TTC34: variants seen among roughly 807,000 people sequenced by gnomAD.
TTC34 encodes tetratricopeptide repeat protein 34.
In TTC34, 44 loss-of-function variants were observed where a neutral mutation model predicts 40.7. That is an observed-to-expected ratio of 1.08 (90% CI 0.85 to 1.39). TTC34 has a LOEUF of 1.39. TTC34 is among the 40% of genes most tolerant of loss of function. The probability of loss-of-function intolerance (pLI) is 0.00; values close to 1 mark genes in which losing one functional copy is unlikely to be tolerated. For missense variants in TTC34, 884 were observed against 838.0 expected (o/e 1.05, Z -0.68); for synonymous variants, 422 against 398.6 (o/e 1.06, Z -0.70).
intron 6 of TTC34, among the ~76,000 whole-genome samples, chr1:2,656,278 C>T (rs1472596015): frequency 1.3e-5 from 2 of 150,336 alleles, no homozygotes; most frequent in African/African-American, 5.0e-5. Flanking sequence ...ATCTGAAAGC[C>T]TGGAAGAGCA....
intron 6 of TTC34, among the ~76,000 whole-genome samples, chr1:2,764,362 G>T (rs1467297113): frequency 7.0e-6 from 1 of 142,552 alleles, no homozygotes; most frequent in African/African-American, 2.6e-5. Context: ...GCAGGTGACA[G>T]CCTGGAGCAG....
intron 2 of TTC34, among the ~76,000 whole-genome samples, chr1:2,797,132 C>T (rs991166348): frequency 2.6e-5 from 4 of 152,222 alleles, no homozygotes. Flanking sequence ...CAGGTCCTAG[C>T]TGCCTGCACT....
intron 6 of TTC34, among the ~76,000 whole-genome samples, chr1:2,681,865 G>C (rs1412294277): frequency 3.4e-3 from 105 of 30,928 alleles, no homozygotes; most frequent in Non-Finnish European, 5.4e-3. Context: ...GAACCCACAC[G>C]CCCAGGTGAG....
At chr1:2,769,637 G>A (rs1308519821) in intron 6 of TTC34, among the ~76,000 whole-genome samples, 1 of 138,622 alleles carries the variant, frequency 7.2e-6, no homozygotes, top group African/African-American at 2.8e-5. Context: ...ACACCCCCAG[G>A]TGAGCATCTG....
intron 6 of TTC34, among the ~76,000 whole-genome samples, chr1:2,686,360 C>T (rs375160750): frequency 1.5e-4 from 18 of 116,768 alleles, no homozygotes; most frequent in African/African-American, 5.1e-4. Flanking sequence ...AGCACCCACA[C>T]CCCCAGGTGC....
intron 6 of TTC34, among the ~76,000 whole-genome samples, chr1:2,682,731 CTGGAG>C (rs1640134592): frequency 9.0e-6 from 1 of 110,584 alleles, no homozygotes; most frequent in Non-Finnish European, 2.2e-5. Flanking sequence ...AACTGACAGC[CTGGAG>C]CAGCACCCAC....
chr1:2,767,555 A>C (rs1490554241), intron 6 of TTC34, among the ~76,000 whole-genome samples: 3 of 95,156 alleles, frequency 3.2e-5, no homozygotes, highest in South Asian at 4.8e-4. Context: ...ATAAAACAGC[A>C]CCCTGCAACC....
chr1:2,790,122 G>A, exon 3 of TTC34: 2 of 398,246 alleles, frequency 5.0e-6, no homozygotes, highest in Non-Finnish European at 8.9e-6. Context: ...GGGTGGTTCC[G>A]CACGGCTTCC....
chr1:2,794,595 T>C (rs1244430854), intron 2 of TTC34, among the ~76,000 whole-genome samples: 1 of 152,232 alleles, frequency 6.6e-6, no homozygotes, highest in Non-Finnish European at 1.5e-5. Flanking sequence ...ATGTTCTGTC[T>C]TGTTTTCTTA....
At chr1:2,752,487 C>G (rs1201799972) in intron 6 of TTC34, among the ~76,000 whole-genome samples, 73 of 144,252 alleles carry the variant, frequency 5.1e-4, no homozygotes, top group East Asian at 1.7e-3. Flanking sequence ...GAACAGCACC[C>G]ACACAGCCAG....
intron 6 of TTC34, among the ~76,000 whole-genome samples, chr1:2,685,079 C>T (rs552672508): frequency 7.2e-6 from 1 of 139,754 alleles, no homozygotes. Context: ...CAGCCTGCAC[C>T]CCCAGGTGTG....
chr1:2,747,709 AC>A (rs1183304681), intron 6 of TTC34, among the ~76,000 whole-genome samples: 894 of 26,396 alleles, frequency 0.034, 36 homozygotes, highest in African/African-American at 0.063. Flanking sequence ...TTGGAACAGC[AC>A]CCCGCACCCC....
intron 6 of TTC34, among the ~76,000 whole-genome samples, chr1:2,767,839 A>T (rs892136192): frequency 6.7e-6 from 1 of 150,156 alleles, no homozygotes; most frequent in African/African-American, 2.4e-5. Flanking sequence ...CTGGAGCAGC[A>T]CCCACACCCC....
At chr1:2,799,002 C>G (rs540033373) in intron 2 of TTC34, among the ~76,000 whole-genome samples, 1 of 147,788 alleles carries the variant, frequency 6.8e-6, no homozygotes, top group East Asian at 2.1e-4. Flanking sequence ...TCCCAGCCTC[C>G]CAGCCTCTCA....
chr1:2,782,188 G>T (rs1338664948), intron 6 of TTC34, among the ~76,000 whole-genome samples: 1 of 152,068 alleles, frequency 6.6e-6, no homozygotes, highest in Non-Finnish European at 1.5e-5. Context: ...ACTAGTTATA[G>T]GTCTATTCAG....
At chr1:2,642,960 G>A (rs1570744330) in intron 8 of TTC34, among the ~76,000 whole-genome samples, 1 of 152,330 alleles carries the variant, frequency 6.6e-6, no homozygotes, top group South Asian at 2.1e-4. Context: ...CCTGCGGTGC[G>A]GCCCGCGGGA....
In TTC34 at chr1:2,752,616, C is replaced by T. The variant is rs1179111223; in HGVS notation, c.2226+30993G>A. Among the ~76,000 whole-genome samples the T allele has an allele frequency of 1.0e-4, 12 of 114,956 alleles. 2 individuals carry two copies. The East Asian group carries it at 1.9e-3, about 18-fold the overall frequency. The allele number at this position is 114,956 out of a possible 152,430, so 75.4% of individuals were successfully genotyped here. The stretch of plus-strand genomic sequence containing the variant: ...CAACCTGGAACAGGACAAACACCCC[C>T]AGGCGAGCATCTGACACCCTGGAAC... On this transcript the variant is annotated intron_variant, in intron 6 of 8. Coordinates refer to ENST00000401095, the Ensembl canonical transcript of TTC34.
intron 6 of TTC34, among the ~76,000 whole-genome samples, chr1:2,753,080 G>C (rs1641378733): frequency 6.7e-6 from 1 of 149,908 alleles, no homozygotes. Flanking sequence ...TGACAGCCTG[G>C]AACGGCAACC....
exon 2 of TTC34, chr1:2,800,348 G>A: frequency 2.5e-6 from 1 of 398,588 alleles, no homozygotes; most frequent in Admixed American, 4.4e-5. Flanking sequence ...CCTGGAGATA[G>A]GCGGCCACAC....
Sources: gnomAD v4.1 joint callset for allele counts (sites outside exome capture counted in the v4.1 genomes callset) on GRCh38, gnomAD v4.1.1 for gene constraint, MANE v1.5 for transcripts, NCBI Gene and HGNC (gene_info 2026-07-23, HGNC 2026-07-21) for gene names.